Variants in STK31 observed in about 807,000 individuals in gnomAD.
STK31 encodes serine/threonine kinase 31.
A neutral mutation model predicts 129.7 loss-of-function variants in STK31; 89 were observed. The observed-to-expected ratio is 0.69, with a 90% confidence interval of 0.58 to 0.82. The LOEUF (loss-of-function observed/expected upper bound fraction) is 0.82, where lower values mean the gene tolerates loss of function less well. STK31 is among the 40% of genes least tolerant of loss of function. The probability of loss-of-function intolerance (pLI) is 0.00; values close to 1 mark genes in which losing one functional copy is unlikely to be tolerated. For missense variants in STK31, 1,187 were observed against 1,176.4 expected, an observed-to-expected ratio of 1.01 and a Z score of -0.13; for synonymous variants, 448 against 395.3, an observed-to-expected ratio of 1.13 and a Z score of -1.58.
At chr7:23,772,771 C>G (rs532469261) in intron 15 of STK31, among the ~76,000 whole-genome samples, 4 of 152,178 alleles carry the variant, frequency 2.6e-5, no homozygotes, top group African/African-American at 9.6e-5. Flanking sequence ...GATTAGGATG[C>G]CCTAATCTGG....
chr7:23,820,128 T>G (rs1793713335), intron 23 of STK31, among the ~76,000 whole-genome samples: 2 of 152,236 alleles, frequency 1.3e-5, no homozygotes, highest in African/African-American at 4.8e-5. Context: ...TTTTACACTT[T>G]TTCCCCATAA....
Position 23,771,110 on chromosome 7 carries a change from A to G in STK31, c.1819A>G (p.Lys607Glu). The G allele has an allele frequency of 1.9e-6, 3 of 1,609,810 alleles. 1 individual carries two copies. Among genetic ancestry groups the G allele is most frequent in the Middle Eastern group, 3.3e-4 (2 of 6,028 alleles). Residue 607 changes from lysine to glutamate, a missense_variant, in exon 14 of 24, where the codon AAG (lysine) becomes GAG (glutamate). Physicochemically the swap from Lys to Glu is moderately conservative, Grantham distance 56. Transcript: ENST00000355870. The stretch of plus-strand genomic sequence containing the variant: ...CATTGCCACAGTACAAGCTAAGTAC[A>G]AGGACAGTATTGAGGTTTGATTGTG... Reference protein sequence around the residue: ...RLIATVQAKYKDSIEFKKQLI... With the variant: ...RLIATVQAKYEDSIEFKKQLI...
chr7:23,816,819 G>A (rs1199575284), intron 23 of STK31, among the ~76,000 whole-genome samples: 1 of 152,162 alleles, frequency 6.6e-6, no homozygotes, highest in African/African-American at 2.4e-5. Context: ...AGGTCCAAGA[G>A]GAAAGAATTA....
intron 4 of STK31, among the ~76,000 whole-genome samples, chr7:23,723,492 C>T (rs1048451167): frequency 6.6e-6 from 1 of 152,166 alleles, no homozygotes; most frequent in African/African-American, 2.4e-5. Flanking sequence ...TAAATTAAGA[C>T]ATACTCCTTT....
At chr7:23,733,867 A>G (rs1396798085) in intron 6 of STK31, among the ~76,000 whole-genome samples, 3 of 152,130 alleles carry the variant, frequency 2.0e-5, no homozygotes, top group African/African-American at 4.8e-5. Context: ...TTGTAATCCT[A>G]TGTATTTCAT....
At position 23,710,358 on chromosome 7, in the gene STK31, C is replaced by A. The variant is rs112719291; in HGVS notation, c.50+23C>A. On this transcript the variant is annotated intron_variant, in intron 1 of 23. Transcript: ENST00000355870. ...GAGGTCAGTAGTAGTTTTTGTGGTACGTGCAGTGGTGGCCGCTTCAAGGAC... is the reference window on the plus strand; with the variant it reads ...GAGGTCAGTAGTAGTTTTTGTGGTAAGTGCAGTGGTGGCCGCTTCAAGGAC... The A allele has an allele frequency of 6.7e-3, 10,866 of 1,613,372 alleles. 76 individuals are homozygous for A. Among genetic ancestry groups the A allele is most frequent in the South Asian group, 0.023 (2,061 of 90,770 alleles).
At chr7:23,825,275 A>G (rs6947771) in intron 23 of STK31, among the ~76,000 whole-genome samples, 1 of 151,560 alleles carries the variant, frequency 6.6e-6, no homozygotes, top group African/African-American at 2.4e-5. Context: ...TCAATTTCAG[A>G]GCCTGTTATT....
At chr7:23,815,946 C>G (rs1009503175) in intron 23 of STK31, among the ~76,000 whole-genome samples, 14 of 152,034 alleles carry the variant, frequency 9.2e-5, no homozygotes, top group African/African-American at 3.4e-4. Flanking sequence ...TGATCAGACT[C>G]TGGAAGTTCT....
At chr7:23,784,870 A>G (rs1400015531) in intron 17 of STK31, among the ~76,000 whole-genome samples, 1 of 152,220 alleles carries the variant, frequency 6.6e-6, no homozygotes, top group Admixed American at 6.5e-5. Context: ...GAGGACTCCA[A>G]ACAGGGGCAG....
chr7:23,745,503 A>T (rs10251623), intron 8 of STK31, among the ~76,000 whole-genome samples: 136,311 of 152,294 alleles, frequency 0.9, 61,345 homozygotes, highest in East Asian at 1. Context: ...GCTCCAGTGG[A>T]GGCAGTTTGC....
chr7:23,728,245 G>A (rs1055665148), intron 5 of STK31, among the ~76,000 whole-genome samples: 11 of 151,664 alleles, frequency 7.3e-5, no homozygotes, highest in African/African-American at 2.7e-4. Flanking sequence ...CCTCCTTTCT[G>A]TACTTAAATT....
At chr7:23,738,234 A>C (rs1787834552) in intron 8 of STK31, among the ~76,000 whole-genome samples, 1 of 152,198 alleles carries the variant, frequency 6.6e-6, no homozygotes, top group African/African-American at 2.4e-5. Flanking sequence ...GAAACAGCCA[A>C]ATAAATGGAA....
chr7:23,818,405 A>G (rs1175319859), intron 23 of STK31, among the ~76,000 whole-genome samples: 1 of 152,090 alleles, frequency 6.6e-6, no homozygotes, highest in African/African-American at 2.4e-5. Flanking sequence ...GTGTCATATG[A>G]GGGGGATCAT....
chr7:23,774,449 T>C (rs560259791), intron 15 of STK31, among the ~76,000 whole-genome samples: 3 of 152,314 alleles, frequency 2.0e-5, no homozygotes, highest in African/African-American at 7.2e-5. Context: ...GTCTGTTGTT[T>C]CCTGACTTTT....
intron 8 of STK31, among the ~76,000 whole-genome samples, chr7:23,743,886 A>G (rs1788198135): frequency 6.8e-6 from 1 of 147,888 alleles, no homozygotes; most frequent in African/African-American, 2.5e-5. Flanking sequence ...TAAGTTCTGA[A>G]ATTCTTTCTT....
intron 8 of STK31, among the ~76,000 whole-genome samples, chr7:23,751,922 A>G (rs1200506420): frequency 6.6e-6 from 1 of 151,796 alleles, no homozygotes; most frequent in Non-Finnish European, 1.5e-5. Flanking sequence ...TAGAGCAGTC[A>G]AATCTGTAGG....
In STK31 at chr7:23,832,291, A is replaced by G. The variant is rs756471362; in HGVS notation, c.2985A>G (p.Glu995=). The G allele has an allele frequency of 1.9e-6, 3 of 1,614,054 alleles. No individual in the cohort carries two copies. The South Asian group carries it at 3.3e-5, about 18-fold the overall frequency. Residue 995 remains glutamate (E), a synonymous_variant, in exon 24 of 24, where the codon GAA becomes GAG. Transcript: ENST00000355870. ...KDTEYTLYKK[E]EEIKTENLDK... ...CTGAATACACCCTATATAAAAAGGA[A>G]GAAGAAATAAAGACGGAGAACTTGG...
chr7:23,756,058 T>C (rs1789061494), intron 10 of STK31, among the ~76,000 whole-genome samples: 2 of 152,226 alleles, frequency 1.3e-5, no homozygotes, highest in African/African-American at 2.4e-5. Context: ...TTGATGGGAA[T>C]AGCATTGGTT....
chr7:23,752,999 T>C (rs1396195169), intron 9 of STK31, among the ~76,000 whole-genome samples, 167 bp downstream of exon 9: 4 of 152,230 alleles, frequency 2.6e-5, no homozygotes, highest in African/African-American at 9.6e-5. Flanking sequence ...TTTATACTGT[T>C]TTTGTCAGGT....
Sources: allele counts gnomAD v4.1 joint callset (sites outside exome capture counted in the v4.1 genomes callset), GRCh38; gene constraint gnomAD v4.1.1; transcripts MANE v1.5; gene names NCBI Gene and HGNC (gene_info 2026-07-23, HGNC 2026-07-21).